GABRB1: variants seen among roughly 807,000 people sequenced by gnomAD.
GABRB1 encodes the protein gamma-aminobutyric acid receptor subunit beta-1.
GABRB1 carries 17 observed loss-of-function variants against 51.6 expected under a neutral mutation model. The observed-to-expected ratio is 0.33, with a 90% confidence interval of 0.23 to 0.49. The LOEUF is 0.49. Among genes scored for constraint, GABRB1 ranks in the 20% least tolerant of loss-of-function variants. The pLI is 0.99. For missense variants in GABRB1, 410 were observed against 600.6 expected, an observed-to-expected ratio of 0.68 and a Z score of 3.32; for synonymous variants, 247 against 218.9, an observed-to-expected ratio of 1.13 and a Z score of -1.14.
intron 3 of GABRB1, among the ~76,000 whole-genome samples, chr4:47,049,705 G>T (rs910925773): frequency 1.3e-5 from 2 of 151,990 alleles, no homozygotes; most frequent in African/African-American, 4.8e-5. Context: ...CTAAATGAAG[G>T]CAATGGAAAT....
chr4:47,285,537 A>C (rs1359923651), intron 4 of GABRB1, among the ~76,000 whole-genome samples: 1 of 152,112 alleles, frequency 6.6e-6, no homozygotes, highest in Non-Finnish European at 1.5e-5. Flanking sequence ...ATGAGCCACT[A>C]CTTTTTTAGA....
At chr4:47,210,438 C>T (rs992285801) in intron 4 of GABRB1, among the ~76,000 whole-genome samples, 1 of 152,062 alleles carries the variant, frequency 6.6e-6, no homozygotes, top group Non-Finnish European at 1.5e-5. Flanking sequence ...TACAGATTTT[C>T]AATTTCATAT....
At chr4:47,055,231 C>A (rs1215328872) in intron 3 of GABRB1, among the ~76,000 whole-genome samples, 2 of 152,166 alleles carry the variant, frequency 1.3e-5, no homozygotes, top group Non-Finnish European at 2.9e-5. Flanking sequence ...ATTCTAGATG[C>A]ATGTGTAGCA....
At chr4:47,367,988 GCAA>G (rs1727043733) in intron 5 of GABRB1, among the ~76,000 whole-genome samples, 2 of 152,136 alleles carry the variant, frequency 1.3e-5, no homozygotes, top group Non-Finnish European at 2.9e-5. Flanking sequence ...AGTATCTATC[GCAA>G]CAGTAACGGA....
chr4:47,049,269 A>G (rs946718867), intron 3 of GABRB1, among the ~76,000 whole-genome samples: 5 of 152,244 alleles, frequency 3.3e-5, no homozygotes, highest in Admixed American at 2.6e-4. Flanking sequence ...TTACTTTTTA[A>G]TTCACAAGAT....
chr4:47,142,105 A>G (rs1186424072), intron 3 of GABRB1, among the ~76,000 whole-genome samples: 1 of 151,932 alleles, frequency 6.6e-6, no homozygotes, highest in African/African-American at 2.4e-5. Flanking sequence ...AAATGTGATA[A>G]ATGCTAAAAT....
intron 1 of GABRB1, among the ~76,000 whole-genome samples, chr4:47,000,815 A>G (rs1263211652): frequency 1.3e-5 from 2 of 152,198 alleles, no homozygotes; most frequent in East Asian, 1.9e-4. Flanking sequence ...TAAGCATTTC[A>G]AGTTAGACTG....
chr4:47,164,766 T>G (rs1280429644), intron 4 of GABRB1, among the ~76,000 whole-genome samples: 1 of 152,080 alleles, frequency 6.6e-6, no homozygotes, highest in Non-Finnish European at 1.5e-5. Flanking sequence ...TCAATTCATA[T>G]TTTTCACCAA....
chr4:47,056,677 G>A (rs549271357), intron 3 of GABRB1, among the ~76,000 whole-genome samples: 1 of 151,770 alleles, frequency 6.6e-6, no homozygotes, highest in Non-Finnish European at 1.5e-5. Flanking sequence ...CTCACAGAAG[G>A]GCTACAAAAA....
At chr4:47,232,683 G>T (rs1721182654) in intron 4 of GABRB1, among the ~76,000 whole-genome samples, 1 of 152,124 alleles carries the variant, frequency 6.6e-6, no homozygotes, top group Non-Finnish European at 1.5e-5. Flanking sequence ...TTCTGTGCAT[G>T]CTGTTAGTAT....
chr4:47,287,900 A>G (rs150918839), intron 4 of GABRB1, among the ~76,000 whole-genome samples: 117 of 152,232 alleles, frequency 7.7e-4, no homozygotes, highest in African/African-American at 2.7e-3. Flanking sequence ...ACTTAACCCT[A>G]CCAACAACCT....
chr4:47,274,152 C>A (rs554717246), intron 4 of GABRB1, among the ~76,000 whole-genome samples: 1 of 152,206 alleles, frequency 6.6e-6, no homozygotes, highest in South Asian at 2.1e-4. Context: ...TGGCTCAAAT[C>A]CAAATTTTAC....
chr4:47,205,228 G>T (rs1392073949), intron 4 of GABRB1, among the ~76,000 whole-genome samples: 1 of 152,086 alleles, frequency 6.6e-6, no homozygotes, highest in Non-Finnish European at 1.5e-5. Flanking sequence ...TCACAAGAAT[G>T]GTTTTTATAG....
chr4:47,196,018 G>A (rs974698571), intron 4 of GABRB1, among the ~76,000 whole-genome samples: 16 of 152,186 alleles, frequency 1.1e-4, no homozygotes, highest in African/African-American at 2.4e-4. Context: ...ACCATATGTA[G>A]TAGTACTGAA....
chr4:47,195,461 T>TA (rs377415063), intron 4 of GABRB1, among the ~76,000 whole-genome samples: 27 of 85,438 alleles, frequency 3.2e-4, no homozygotes, highest in East Asian at 8.4e-4. Flanking sequence ...ATAGATTAGA[T>TA]GATAGATAGA....
upstream of GABRB1, among the ~76,000 whole-genome samples, chr4:47,026,958 C>T (rs1725113458): frequency 6.6e-6 from 1 of 151,830 alleles, no homozygotes; most frequent in African/African-American, 2.4e-5. Flanking sequence ...AAGTTACTTT[C>T]TGTGTTTAAG....
At chr4:47,327,975 G>A (rs2109971271) in intron 5 of GABRB1, among the ~76,000 whole-genome samples, 1 of 152,280 alleles carries the variant, frequency 6.6e-6, no homozygotes, top group African/African-American at 2.4e-5. Context: ...AGCACCTGTT[G>A]TTTCCTGCCT....
At chr4:47,028,366 T>A (rs1725168285), upstream of GABRB1, among the ~76,000 whole-genome samples, 1 of 151,764 alleles carries the variant, frequency 6.6e-6, no homozygotes, top group South Asian at 2.1e-4. Flanking sequence ...AATGTACAAT[T>A]AAGTTACTGA....
At chr4:47,251,911 C>T (rs543835148) in intron 4 of GABRB1, among the ~76,000 whole-genome samples, 54 of 152,280 alleles carry the variant, frequency 3.5e-4, no homozygotes, top group Admixed American at 1.9e-3. Flanking sequence ...CCAGGCTATC[C>T]GCCTCCCAAC....
Sources: gnomAD v4.1 joint callset for allele counts (sites outside exome capture counted in the v4.1 genomes callset) on GRCh38, gnomAD v4.1.1 for gene constraint, MANE v1.5 for transcripts, NCBI Gene and HGNC (gene_info 2026-07-23, HGNC 2026-07-21) for gene names.